SPATA16: variants seen among roughly 807,000 people sequenced by gnomAD.
SPATA16 encodes spermatogenesis associated 16.
In SPATA16, 36 loss-of-function variants were observed where a neutral mutation model predicts 63.3. The observed-to-expected ratio is 0.57, with a 90% CI of 0.44 to 0.75. The LOEUF (loss-of-function observed/expected upper bound fraction) is 0.75, where lower values mean the gene tolerates loss of function less well. Ranked by LOEUF, SPATA16 falls within the 30% of genes least tolerant of loss-of-function variation. The pLI, the probability that SPATA16 is intolerant of heterozygous loss-of-function variation, is 0.00. For synonymous variants in SPATA16, 203 were observed against 216.7 expected, an observed-to-expected ratio of 0.94 and a Z score of 0.56; for missense variants, 646 against 679.3, an observed-to-expected ratio of 0.95 and a Z score of 0.54.
intron 4 of SPATA16, among the ~76,000 whole-genome samples, chr3:172,987,886 C>CA (rs1335112011): frequency 1.3e-5 from 2 of 152,110 alleles, no homozygotes; most frequent in Non-Finnish European, 2.9e-5. Flanking sequence ...AGCCTTGTAG[C>CA]AAGTCAAGGG....
At chr3:172,965,072 C>T (rs1005075825) in intron 5 of SPATA16, among the ~76,000 whole-genome samples, 1 of 152,200 alleles carries the variant, frequency 6.6e-6, no homozygotes, top group Non-Finnish European at 1.5e-5. Flanking sequence ...AATGAGTCTT[C>T]ACCTGTGCGT....
rs1194795077 is a variant in SPATA16 at position 173,029,413 on chromosome 3, TTTTG to T, written c.759-9842_759-9839del. Among the ~76,000 whole-genome samples the T allele has an allele frequency of 1.0e-3, 153 of 147,652 alleles. 3 individuals are homozygous for T. The highest frequency in any genetic ancestry group is 3.5e-3 in the African/African-American group (143 of 40,306). On this transcript the variant is annotated intron_variant, in intron 3 of 10. Coordinates refer to ENST00000351008, the MANE Select transcript of SPATA16 (RefSeq NM_031955.6). ...GCAATAACAGTAATCAGAGTTTTTT[TTTTG>T]TTTGTTTGTTTTGTTGTTGTTTGTT... is the stretch of plus-strand genomic sequence containing the variant.
intron 2 of SPATA16, among the ~76,000 whole-genome samples, chr3:173,064,482 C>T (rs1212915146): frequency 6.6e-6 from 1 of 152,106 alleles, no homozygotes; most frequent in Non-Finnish European, 1.5e-5. Context: ...TAGCAATTGT[C>T]ATTAAAATAC....
intron 5 of SPATA16, among the ~76,000 whole-genome samples, chr3:172,967,418 C>T (rs542490369): frequency 1.3e-5 from 2 of 152,282 alleles, no homozygotes; most frequent in East Asian, 3.9e-4. Flanking sequence ...ATAAACATTA[C>T]TCAGGGGTCA....
intron 6 of SPATA16, among the ~76,000 whole-genome samples, chr3:172,940,632 C>T (rs1389982918): frequency 6.6e-6 from 1 of 152,122 alleles, no homozygotes; most frequent in African/African-American, 2.4e-5. Flanking sequence ...ACTGGGGCCC[C>T]ATAAGACAAG....
intron 1 of SPATA16, among the ~76,000 whole-genome samples, chr3:173,130,099 A>C (rs999656673): frequency 5.9e-5 from 9 of 152,188 alleles, no homozygotes; most frequent in Non-Finnish European, 2.9e-5. Flanking sequence ...GCGGTGGCTC[A>C]AGCCTGTAAT....
At chr3:172,994,705 A>G (rs1216552285) in intron 4 of SPATA16, among the ~76,000 whole-genome samples, 2 of 152,180 alleles carry the variant, frequency 1.3e-5, no homozygotes, top group African/African-American at 2.4e-5. Flanking sequence ...TCAAATTTGT[A>G]CTGCAAATAA....
At chr3:172,913,773 G>A (rs1188672779) in intron 9 of SPATA16, 29 bp from the exon 10 acceptor site, 11 of 1,591,790 alleles carry the variant, frequency 6.9e-6, no homozygotes, top group Non-Finnish European at 8.6e-6. Context: ...AATTATCAGT[G>A]TGGAATTCAC....
At chr3:173,111,260 A>G (rs1336874270) in intron 2 of SPATA16, among the ~76,000 whole-genome samples, 3 of 152,166 alleles carry the variant, frequency 2.0e-5, no homozygotes, top group Non-Finnish European at 4.4e-5. Flanking sequence ...AAATACAAAA[A>G]TTAGCCAGGC....
At chr3:173,140,710 T>C (rs1414182143) in intron 1 of SPATA16, among the ~76,000 whole-genome samples, 1 of 152,192 alleles carries the variant, frequency 6.6e-6, no homozygotes, top group Non-Finnish European at 1.5e-5. Context: ...CCCACTTGAC[T>C]ACAAGAAGAT....
chr3:173,095,882 A>G (rs992307422), intron 2 of SPATA16, among the ~76,000 whole-genome samples: 1 of 152,126 alleles, frequency 6.6e-6, no homozygotes, highest in Non-Finnish European at 1.5e-5. Flanking sequence ...CTTCTATCAT[A>G]TTTACTTTTC....
intron 2 of SPATA16, among the ~76,000 whole-genome samples, chr3:173,087,260 G>A (rs759558205): frequency 6.6e-6 from 1 of 152,018 alleles, no homozygotes; most frequent in Non-Finnish European, 1.5e-5. Flanking sequence ...GTTGAATTGA[G>A]CCCATTACAT....
At chr3:173,084,120 A>T (rs1040828701) in intron 2 of SPATA16, among the ~76,000 whole-genome samples, 2 of 152,128 alleles carry the variant, frequency 1.3e-5, no homozygotes, top group African/African-American at 4.8e-5. Flanking sequence ...CTATGGCTGA[A>T]CTAATTTACA....
chr3:173,137,243 C>A (rs912168455), intron 1 of SPATA16, among the ~76,000 whole-genome samples: 30 of 152,270 alleles, frequency 2.0e-4, no homozygotes, highest in African/African-American at 7.0e-4. Flanking sequence ...CTGAGGGATT[C>A]TTTTCAAATG....
intron 6 of SPATA16, among the ~76,000 whole-genome samples, chr3:172,930,950 G>A (rs1426139562): frequency 6.6e-6 from 1 of 152,096 alleles, no homozygotes; most frequent in Non-Finnish European, 1.5e-5. Context: ...AGCCTCCTGA[G>A]TTGCTGGGAT....
rs1736723295 is a variant in SPATA16, at chr3:173,073,624, A to G, written c.613-24530T>C. On this transcript the variant is annotated intron_variant, in intron 2 of 10. Transcript: ENST00000351008. ...GGGACCTCTGCCTAGATTTTAGAGG[A>G]TGTATGGAAATGCCTGGATGTCCAG... Among the ~76,000 whole-genome samples, 3 of 152,172 alleles carry G rather than the reference A, an allele frequency of 2.0e-5. No homozygotes were observed. The South Asian group carries it at 6.2e-4, about 31-fold the overall frequency.
At chr3:173,018,654 G>C (rs550723480) in intron 4 of SPATA16, among the ~76,000 whole-genome samples, 2 of 152,204 alleles carry the variant, frequency 1.3e-5, no homozygotes, top group East Asian at 3.9e-4. Flanking sequence ...CTAGACAGTA[G>C]TCACCTGCAA....
At chr3:172,921,589 G>T (rs146519824) in intron 8 of SPATA16, among the ~76,000 whole-genome samples, 1 of 151,794 alleles carries the variant, frequency 6.6e-6, no homozygotes, top group Non-Finnish European at 1.5e-5. Flanking sequence ...CACAGAACAC[G>T]AGTGGAATCT....
chr3:172,904,357 T>C (rs900899258), intron 10 of SPATA16, among the ~76,000 whole-genome samples: 1 of 152,214 alleles, frequency 6.6e-6, no homozygotes, highest in African/African-American at 2.4e-5. Flanking sequence ...GGTAATACAG[T>C]ATTTTATTAG....
Sources: gnomAD v4.1 joint callset for allele counts (sites outside exome capture counted in the v4.1 genomes callset) on GRCh38, gnomAD v4.1.1 for gene constraint, MANE v1.5 for transcripts, NCBI Gene and HGNC (gene_info 2026-07-23, HGNC 2026-07-21) for gene names.